Variants in NCOA2 observed in about 807,000 individuals in gnomAD.
The protein encoded by NCOA2 is class E basic helix-loop-helix protein 75.
A neutral mutation model predicts 145.1 loss-of-function variants in NCOA2; 21 were observed. The ratio of observed to expected loss-of-function variants is 0.14; its 90% CI spans 0.10 to 0.21. The LOEUF (loss-of-function observed/expected upper bound fraction) is 0.21. Ranked by LOEUF, NCOA2 falls within the 10% of genes least tolerant of loss-of-function variation. The pLI, the probability that NCOA2 is intolerant of heterozygous loss-of-function variation, is 1.00. For missense variants in NCOA2, 1,472 were observed against 1,837.6 expected (o/e 0.80, Z 3.64); for synonymous variants, 619 against 637.5 (o/e 0.97, Z 0.44).
intron 2 of NCOA2, among the ~76,000 whole-genome samples, chr8:70,266,083 G>C (rs1489384099): frequency 6.6e-6 from 1 of 152,230 alleles, no homozygotes; most frequent in Admixed American, 6.5e-5. Context: ...CCAGGAGGCA[G>C]AGGTTGCAGT....
At chr8:70,403,328 G>T (rs1814549838) in intron 1 of NCOA2, among the ~76,000 whole-genome samples, 2 of 151,090 alleles carry the variant, frequency 1.3e-5, no homozygotes, top group Admixed American at 6.6e-5. Flanking sequence ...GCGCCTCGGC[G>T]CTCACCTCTC....
intron 1 of NCOA2, among the ~76,000 whole-genome samples, chr8:70,307,220 C>CAAAAAAAAAAAAAAA (rs57161747): frequency 1.4e-4 from 10 of 71,626 alleles, no homozygotes; most frequent in African/African-American, 4.4e-4. Flanking sequence ...CCTACATAAG[C>CAAAAAAAAAAAAAAA]AAAAAAAAAA....
At chr8:70,192,114 T>C (rs1312268639) in intron 4 of NCOA2, among the ~76,000 whole-genome samples, 1 of 152,202 alleles carries the variant, frequency 6.6e-6, no homozygotes, top group African/African-American at 2.4e-5. Context: ...AACCAAGCTT[T>C]ACATGTATTT....
At chr8:70,233,676 G>A (rs1260702414) in intron 2 of NCOA2, among the ~76,000 whole-genome samples, 1 of 152,072 alleles carries the variant, frequency 6.6e-6, no homozygotes, top group Non-Finnish European at 1.5e-5. Context: ...CCCTTCCGTG[G>A]TTCCTCCTTT....
intron 2 of NCOA2, among the ~76,000 whole-genome samples, chr8:70,217,238 GA>G (rs1296624792): frequency 6.6e-6 from 1 of 152,160 alleles, no homozygotes; most frequent in Non-Finnish European, 1.5e-5. Flanking sequence ...GCCAGGACAC[GA>G]AATTGAAGGT....
the NCOA2 span, among the ~76,000 whole-genome samples, chr8:70,412,169 T>C: frequency 1.3e-5 from 2 of 152,076 alleles, no homozygotes; most frequent in Non-Finnish European, 2.9e-5. Flanking sequence ...CAGCTGTAAT[T>C]CCAGCTACTC....
At chr8:70,211,975 A>G (rs570453579) in intron 4 of NCOA2, among the ~76,000 whole-genome samples, 3 of 151,956 alleles carry the variant, frequency 2.0e-5, no homozygotes, top group African/African-American at 7.2e-5. Context: ...CAGTCCCAGC[A>G]TGACACATCT....
At chr8:70,311,122 T>C (rs1430585533) in intron 1 of NCOA2, among the ~76,000 whole-genome samples, 1 of 152,006 alleles carries the variant, frequency 6.6e-6, no homozygotes, top group African/African-American at 2.4e-5. Context: ...ATTTCCTAGT[T>C]TTTTTTTAAG....
chr8:70,283,163 C>T (rs1826005937), intron 2 of NCOA2, among the ~76,000 whole-genome samples: 1 of 152,172 alleles, frequency 6.6e-6, no homozygotes, highest in Non-Finnish European at 1.5e-5. Context: ...CTTGGTTTAT[C>T]CACGAAATTG....
intron 2 of NCOA2, among the ~76,000 whole-genome samples, chr8:70,243,278 A>C (rs2926713): frequency 0.75 from 114,041 of 151,502 alleles, 44,123 homozygotes; most frequent in Non-Finnish European, 0.84. Context: ...AGACCAGTTA[A>C]AACTACCATC....
At chr8:70,136,550 G>GA (rs67745153) in intron 15 of NCOA2, among the ~76,000 whole-genome samples, 96 of 137,024 alleles carry the variant, frequency 7.0e-4, no homozygotes, top group South Asian at 4.0e-3. Context: ...ATGAATGAAG[G>GA]AAAAAAAAAA....
chr8:70,182,037 T>C (rs1008368652), intron 4 of NCOA2, among the ~76,000 whole-genome samples: 1 of 152,250 alleles, frequency 6.6e-6, no homozygotes, highest in Non-Finnish European at 1.5e-5. Flanking sequence ...CCATATGGCT[T>C]TGTGAAGCCA....
At chr8:70,377,023 C>T (rs757250473) in intron 1 of NCOA2, among the ~76,000 whole-genome samples, 2 of 151,116 alleles carry the variant, frequency 1.3e-5, no homozygotes, top group Non-Finnish European at 2.9e-5. Context: ...CCACAGATGA[C>T]GATGATGGCT....
intron 19 of NCOA2, among the ~76,000 whole-genome samples, chr8:70,125,472 A>C (rs1188426739): frequency 6.6e-6 from 1 of 152,124 alleles, no homozygotes; most frequent in Non-Finnish European, 1.5e-5. Context: ...TATGTTGCTC[A>C]GGCTGGTCTT....
In NCOA2 at chr8:70,159,548, T is replaced by A; in HGVS notation, c.1081A>T (p.Thr361Ser). ...GATATTACAAGTTGAGGTTCATTAG[T>A]AGTCTGAGAACGGATGAGTTTGCTC... ...TKSKLIRSQT[T>S]NEPQLVISLH... The change falls in exon 10 of 23, where the codon ACT becomes TCT. Residue 361 changes from threonine (T) to serine (S), a missense_variant. Thr to Ser is a moderately conservative substitution (Grantham distance 58, BLOSUM62 1). Around this residue, in one of 4 missense-constraint regions of NCOA2, gnomAD observed 284 missense variants for 467.8 expected, o/e 0.61. Transcript: ENST00000452400. 6.2e-7 allele frequency: 1 copy of A among 1,611,440 alleles called. No homozygotes were observed. Among genetic ancestry groups the A allele is most frequent in the South Asian group, 1.1e-5 (1 of 90,950 alleles).
chr8:70,342,662 A>C (rs995847818), intron 1 of NCOA2, among the ~76,000 whole-genome samples: 7 of 151,826 alleles, frequency 4.6e-5, no homozygotes, highest in Non-Finnish European at 8.8e-5. Context: ...AGAATGCACT[A>C]GATATTGCAG....
At chr8:70,273,696 G>A in intron 2 of NCOA2, 2 of 643,554 alleles carry the variant, frequency 3.1e-6, no homozygotes, top group East Asian at 3.5e-5. Flanking sequence ...GGTGCAGGCA[G>A]TCTGACTAGT....
chr8:70,266,300 C>G (rs1007411441), intron 2 of NCOA2, among the ~76,000 whole-genome samples: 2 of 152,196 alleles, frequency 1.3e-5, no homozygotes, highest in Admixed American at 1.3e-4. Flanking sequence ...GTAGGCGGGA[C>G]TACAGGTGCA....
intron 2 of NCOA2, among the ~76,000 whole-genome samples, chr8:70,265,147 T>C (rs1203356362): frequency 1.3e-5 from 2 of 152,158 alleles, no homozygotes; most frequent in Non-Finnish European, 2.9e-5. Flanking sequence ...GGTGAGGTCT[T>C]TAGGGAGTAA....
Sources: gnomAD v4.1 joint callset for allele counts (sites outside exome capture counted in the v4.1 genomes callset) on GRCh38, gnomAD v4.1.1 for gene constraint, gnomAD v4.1.1 regional missense constraint, MANE v1.5 for transcripts, NCBI Gene and HGNC (gene_info 2026-07-23, HGNC 2026-07-21) for gene names.